MAGI1: variants seen among roughly 807,000 people sequenced by gnomAD.
MAGI1 encodes membrane-associated guanylate kinase, WW and PDZ domain-containing protein 1.
In MAGI1, 58 loss-of-function variants were observed where a neutral mutation model predicts 139.9. The observed-to-expected ratio is 0.41, with a 90% CI of 0.34 to 0.52. The LOEUF (loss-of-function observed/expected upper bound fraction) is 0.52, where lower values mean the gene tolerates loss of function less well. Among genes scored for constraint, MAGI1 ranks in the 20% least tolerant of loss-of-function variants. The pLI, the probability that MAGI1 is intolerant of heterozygous loss-of-function variation, is 0.12. For missense variants in MAGI1, 1,874 were observed against 1,901.6 expected, an observed-to-expected ratio of 0.99 and a Z score of 0.27; for synonymous variants, 812 against 737.9, an observed-to-expected ratio of 1.10 and a Z score of -1.63.
chr3:65,425,226 A>G (rs1389314766), intron 12 of MAGI1, among the ~76,000 whole-genome samples: 1 of 151,796 alleles, frequency 6.6e-6, no homozygotes, highest in Non-Finnish European at 1.5e-5. Flanking sequence ...TCCCCACCCA[A>G]TTGCCACTAT....
chr3:65,574,191 C>A (rs1042020562), intron 2 of MAGI1, among the ~76,000 whole-genome samples: 1 of 150,878 alleles, frequency 6.6e-6, no homozygotes, highest in Non-Finnish European at 1.5e-5. Context: ...TATTTTTTAA[C>A]TTTTATTTTA....
At chr3:66,006,079 C>G (rs2066997554) in intron 1 of MAGI1, among the ~76,000 whole-genome samples, 1 of 152,202 alleles carries the variant, frequency 6.6e-6, no homozygotes, top group Non-Finnish European at 1.5e-5. Context: ...CTTCCCATCA[C>G]TGAAATTTGT....
intron 1 of MAGI1, among the ~76,000 whole-genome samples, chr3:65,839,876 G>A (rs771569503): frequency 3.3e-5 from 5 of 152,294 alleles, no homozygotes; most frequent in South Asian, 2.1e-4. Flanking sequence ...TCTTTACGAC[G>A]TTGAGTCTTC....
intron 1 of MAGI1, among the ~76,000 whole-genome samples, chr3:65,909,650 C>T (rs754027334): frequency 1.3e-5 from 2 of 152,134 alleles, no homozygotes; most frequent in Non-Finnish European, 2.9e-5. Flanking sequence ...GAGCTGTGAT[C>T]ATACCACTGT....
chr3:65,493,246 C>T (rs974866458), intron 3 of MAGI1, among the ~76,000 whole-genome samples: 2 of 151,944 alleles, frequency 1.3e-5, no homozygotes, highest in Non-Finnish European at 2.9e-5. Flanking sequence ...CGCACATGTC[C>T]GTATTAAAAA....
intron 3 of MAGI1, among the ~76,000 whole-genome samples, chr3:65,481,098 C>T (rs72896369): frequency 0.021 from 3,212 of 152,150 alleles, 116 homozygotes; most frequent in African/African-American, 0.073. Flanking sequence ...AAACCTGATA[C>T]GCACATTCTG....
intron 12 of MAGI1, among the ~76,000 whole-genome samples, chr3:65,414,264 C>T (rs908779404): frequency 2.0e-5 from 3 of 152,198 alleles, no homozygotes; most frequent in African/African-American, 4.8e-5. Context: ...TAAAGGTGCT[C>T]GGTTCACCCC....
Position 65,478,717 on chromosome 3 carries a change from T to C in MAGI1, c.632A>G (p.Gln211Arg). Reference protein sequence around the residue: ...VITTDALHSLQSGSKQSTPKR... With the variant: ...VITTDALHSLRSGSKQSTPKR... Reference sequence around the variant, plus strand: ...CGGGGTCGACTGCTTAGAGCCAGACTGAAGGCTGTGCAAGGCATCCGTCGT... The same window carrying C: ...CGGGGTCGACTGCTTAGAGCCAGACCGAAGGCTGTGCAAGGCATCCGTCGT... The change falls in exon 4 of 23, where the codon CAG becomes CGG. Residue 211 changes from glutamine to arginine, a missense_variant. Physicochemically the swap from Gln to Arg is conservative, Grantham distance 43. This residue lies in a region of MAGI1 where 648 missense variants were observed against 598.1 expected (regional missense o/e 1.08). Coordinates refer to ENST00000402939, the MANE Select transcript of MAGI1 (RefSeq NM_001033057.2). The C allele has an allele frequency of 1.2e-6, 2 of 1,614,122 alleles. No individual in the cohort carries two copies. Among genetic ancestry groups the C allele is most frequent in the Non-Finnish European group, 8.5e-7 (1 of 1,180,006 alleles).
intron 1 of MAGI1, among the ~76,000 whole-genome samples, chr3:65,651,377 A>G (rs750499816): frequency 6.6e-6 from 1 of 152,228 alleles, no homozygotes; most frequent in Non-Finnish European, 1.5e-5. Context: ...AAGGCAAAGT[A>G]GCCAGTAGAG....
chr3:65,587,523 G>A (rs776163564), intron 2 of MAGI1, among the ~76,000 whole-genome samples: 2 of 123,914 alleles, frequency 1.6e-5, no homozygotes, highest in African/African-American at 3.2e-5. Flanking sequence ...TCGCTCTGTC[G>A]CCCAGGCTGG....
At chr3:65,931,143 CTG>C (rs768625306) in intron 1 of MAGI1, among the ~76,000 whole-genome samples, 49 of 152,074 alleles carry the variant, frequency 3.2e-4, no homozygotes, top group Non-Finnish European at 5.9e-4. Flanking sequence ...AGCCATTCTC[CTG>C]TCTCAGCCTC....
At chr3:65,485,621 TA>T (rs1268523273) in intron 3 of MAGI1, among the ~76,000 whole-genome samples, 1 of 152,234 alleles carries the variant, frequency 6.6e-6, no homozygotes, top group African/African-American at 2.4e-5. Flanking sequence ...GGTTAATGTG[TA>T]AAAGAGTGTA....
chr3:65,470,241 GAA>G (rs781454755), intron 5 of MAGI1, 40 bp downstream of exon 5: 3 of 1,416,002 alleles, frequency 2.1e-6, no homozygotes, highest in Non-Finnish European at 3.0e-6. Flanking sequence ...GAAGGGAAAA[GAA>G]AGAGAGAGAG....
chr3:65,960,791 C>A (rs934369208), intron 1 of MAGI1, among the ~76,000 whole-genome samples: 11 of 152,180 alleles, frequency 7.2e-5, no homozygotes, highest in African/African-American at 2.4e-4. Flanking sequence ...TGTAATTTCC[C>A]CACCTTTGTT....
intron 1 of MAGI1, among the ~76,000 whole-genome samples, chr3:65,725,481 C>A (rs1208031810): frequency 6.6e-6 from 1 of 152,160 alleles, no homozygotes; most frequent in Admixed American, 6.5e-5. Context: ...AGCAGGAGGA[C>A]AGAGGTACAA....
At chr3:65,492,720 G>T (rs1952129333) in intron 3 of MAGI1, among the ~76,000 whole-genome samples, 1 of 152,092 alleles carries the variant, frequency 6.6e-6, no homozygotes, top group Admixed American at 6.6e-5. Flanking sequence ...ACTTCAGAAG[G>T]TAATCAGATT....
chr3:65,726,416 A>C (rs942894834), intron 1 of MAGI1, among the ~76,000 whole-genome samples: 21 of 152,198 alleles, frequency 1.4e-4, no homozygotes, highest in African/African-American at 5.1e-4. Context: ...TGCAATGTAC[A>C]TTTTCCTACA....
intron 1 of MAGI1, among the ~76,000 whole-genome samples, chr3:65,995,811 A>C (rs769242637): frequency 1.8e-4 from 28 of 152,152 alleles, no homozygotes; most frequent in Non-Finnish European, 4.1e-4. Flanking sequence ...GAATCCTGTG[A>C]ATATTTTCAG....
chr3:65,392,608 C>CA (rs1394598864), intron 13 of MAGI1, among the ~76,000 whole-genome samples: 6 of 152,160 alleles, frequency 3.9e-5, no homozygotes, highest in African/African-American at 1.2e-4. Flanking sequence ...CAAGGCCATT[C>CA]TTCCTTGCTG....
Sources: gnomAD v4.1 joint callset for allele counts (sites outside exome capture counted in the v4.1 genomes callset) on GRCh38, gnomAD v4.1.1 for gene constraint, gnomAD v4.1.1 regional missense constraint, MANE v1.5 for transcripts, NCBI Gene and HGNC (gene_info 2026-07-23, HGNC 2026-07-21) for gene names.